The following SPG11 variants were observed in gnomAD, a reference collection of about 807,000 sequenced individuals.
SPG11 encodes spatacsin.
Under a neutral mutation model 274.0 loss-of-function variants are expected in SPG11, and 222 were observed. That is an observed-to-expected ratio of 0.81 (90% CI 0.73 to 0.91). SPG11 has a LOEUF of 0.91. SPG11 is among the 40% of genes least tolerant of loss of function. SPG11 has a pLI of 0.00. For synonymous variants in SPG11, 1,144 were observed against 1,039.7 expected (o/e 1.10, Z -1.93); for missense variants, 3,114 against 2,872.7 (o/e 1.08, Z -1.92).
intron 10 of SPG11, among the ~76,000 whole-genome samples, chr15:44,627,828 A>G (rs1341363111): frequency 6.6e-6 from 1 of 152,166 alleles, no homozygotes. Context: ...TGACCTTGTG[A>G]TCTGCCTGCC....
intron 3 of SPG11, among the ~76,000 whole-genome samples, chr15:44,658,731 T>A (rs1174704113): frequency 1.3e-5 from 2 of 152,154 alleles, no homozygotes; most frequent in East Asian, 3.8e-4. Context: ...AGTGCTGGGA[T>A]TACAGGCGTG....
Position 44,583,977 on chromosome 15 carries a change from A to G in SPG11, c.5703T>C (p.Phe1901=), listed in dbSNP as rs1400427975. Residue 1901 remains phenylalanine (F), a synonymous_variant, in exon 30 of 40, where the codon TTT becomes TTC. Coordinates refer to ENST00000261866, the MANE Select transcript of SPG11 (RefSeq NM_025137.4). The part of the protein sequence containing the change: ...VHEASRVCRY[F]HFYNPDVALV... ...AGGCGACATCTGGATTATAAAAATGAAAATACCGGCATACTCTACTTGCTT... is the reference window on the plus strand; with the variant it reads ...AGGCGACATCTGGATTATAAAAATGGAAATACCGGCATACTCTACTTGCTT... The G allele has an allele frequency of 6.8e-6, 11 of 1,614,084 alleles. No homozygotes were observed. The highest frequency in any genetic ancestry group is 8.5e-6 in the Non-Finnish European group (10 of 1,180,040).
chr15:44,663,620 C>T lies in SPG11; in HGVS notation c.28G>A (p.Ala10Thr), dbSNP rs372658867. Residue 10 changes from alanine (A) to threonine (T), a missense_variant, in exon 1 of 40, where the codon GCT becomes ACT. Coordinates refer to ENST00000261866, the MANE Select transcript of SPG11 (RefSeq NM_025137.4). The part of the protein sequence containing the change: MAAEEGVAS[A>T]ASAGGSWGTA... ...CCCCAGCTACCGCCGGCGGAAGCAGCACTCGCGACCCCTTCCTCTGCAGCC... is the reference window on the plus strand; with the variant it reads ...CCCCAGCTACCGCCGGCGGAAGCAGTACTCGCGACCCCTTCCTCTGCAGCC... 177 of 1,595,824 alleles carry T rather than the reference C, an allele frequency of 1.1e-4. 1 individual carries two copies. Among genetic ancestry groups the T allele is most frequent in the Admixed American group, 6.5e-4 (38 of 58,882 alleles).
rs1416160421 is a variant in SPG11, at chr15:44,657,265, T to A, written c.699A>T (p.Val233=). The A allele has an allele frequency of 2.5e-6, 4 of 1,614,210 alleles. No homozygotes were observed. Among genetic ancestry groups the A allele is most frequent in the Non-Finnish European group, 3.4e-6 (4 of 1,180,028 alleles). The change falls in exon 4 of 40, where the codon GTA becomes GTT. Residue 233 remains valine, a synonymous_variant. Coordinates refer to ENST00000261866, the MANE Select transcript of SPG11 (RefSeq NM_025137.4). ...YIFDVVDGTY[V]AHVDLALHKE... is the part of the protein sequence containing the mutation. ...TGTGAAGTGCTAAATCCACATGAGC[T>A]ACATATGTACCATCCACAACATCAA...
chr15:44,600,882 G>A (rs1158921572), intron 20 of SPG11, among the ~76,000 whole-genome samples: 1 of 152,140 alleles, frequency 6.6e-6, no homozygotes, highest in African/African-American at 2.4e-5. Context: ...AGCCGGGTAC[G>A]GTGGCTCACG....
rs757678400 is a variant in SPG11, at chr15:44,585,816, C to T, written c.4941G>A (p.Gln1647=). 3.1e-6 allele frequency: 5 copies of T among 1,613,786 alleles called. No individual in the cohort carries two copies. The African/African-American group carries it at 4.0e-5, about 13-fold the overall frequency. ...PDVKKLCILC[Q]ILKDTSIAIN... is the part of the protein sequence containing the mutation. ...TGGCTATGGATGTATCCTTCAAAAT[C>T]TGGCAAAGGATGCAAAGCTTTTTCA... The change falls in exon 29 of 40, where the codon CAG becomes CAA. Residue 1647 remains glutamine, a synonymous_variant. Transcript: ENST00000261866.
At chr15:44,565,618 C>T (rs889219919) in intron 38 of SPG11, among the ~76,000 whole-genome samples, 6 of 152,192 alleles carry the variant, frequency 3.9e-5, no homozygotes, top group African/African-American at 1.4e-4. Context: ...CTCTGCTGGC[C>T]TAACAGCACA....
intron 1 of SPG11, among the ~76,000 whole-genome samples, chr15:44,661,908 A>G (rs1383820370): frequency 6.6e-6 from 1 of 152,240 alleles, no homozygotes; most frequent in African/African-American, 2.4e-5. Context: ...TAACTGAATT[A>G]AAATTCAATT....
rs1020493326 is a variant in SPG11, at chr15:44,652,153, G to C, written c.983C>G (p.Ala328Gly). Residue 328 changes from alanine to glycine, a missense_variant, in exon 5 of 40, where the codon GCC becomes GGC. By Grantham distance (60) the Ala-to-Gly change is moderately conservative. Transcript: ENST00000261866. ...PVNSAYNMKLAKFSFQIDRSW... is the reference protein window; with the variant it reads ...PVNSAYNMKLGKFSFQIDRSW... ...CCTATCAATTTGGAAGGAAAACTTG[G>C]CCAGTTTCATGTTGTAGGCAGAGTT... 1 of 1,613,980 alleles carries C rather than the reference G, an allele frequency of 6.2e-7. No individual in the cohort carries two copies. Among genetic ancestry groups the C allele is most frequent in the African/African-American group, 1.3e-5 (1 of 74,920 alleles).
Position 44,589,420 on chromosome 15 carries a change from A to T in SPG11, c.4744-6T>A. 1 of 1,614,032 alleles carries T rather than the reference A, an allele frequency of 6.2e-7. No homozygotes were observed. Among genetic ancestry groups the T allele is most frequent in the Non-Finnish European group, 8.5e-7 (1 of 1,179,896 alleles). ...TTTGTGGCTGCTGTGTTAAGCTATG[A>T]AAGAAAAAGAGAAGCTTAGGGAAAG... On this transcript the variant is annotated splice_polypyrimidine_tract_variant and splice_region_variant and intron_variant, in intron 27 of 39. Coordinates refer to ENST00000261866, the MANE Select transcript of SPG11 (RefSeq NM_025137.4).
chr15:44,632,090 T>C (rs533982992), intron 8 of SPG11, among the ~76,000 whole-genome samples: 1 of 152,248 alleles, frequency 6.6e-6, no homozygotes, highest in African/African-American at 2.4e-5. Context: ...ATTACAGCCA[T>C]GAGCCACTGC....
rs1408968445 is a variant in SPG11, at chr15:44,589,428, A to C, written c.4744-14T>G. On this transcript the variant is annotated splice_polypyrimidine_tract_variant and intron_variant, in intron 27 of 39. Coordinates refer to ENST00000261866, the MANE Select transcript of SPG11 (RefSeq NM_025137.4). ...TGCTGTGTTAAGCTATGAAAGAAAA[A>C]GAGAAGCTTAGGGAAAGCAGTTTCA... is the stretch of plus-strand genomic sequence containing the variant. 1 of 1,613,990 alleles carries C rather than the reference A, an allele frequency of 6.2e-7. No homozygotes were observed. Among genetic ancestry groups the C allele is most frequent in the Non-Finnish European group, 8.5e-7 (1 of 1,179,862 alleles).
chr15:44,632,637 G>A (rs1188888779), intron 8 of SPG11, among the ~76,000 whole-genome samples: 1 of 151,798 alleles, frequency 6.6e-6, no homozygotes, highest in Non-Finnish European at 1.5e-5. Flanking sequence ...AGCCTTCCAA[G>A]TAGTTGGGAC....
chr15:44,585,931 G>T (rs2082752862), intron 28 of SPG11, 81 bp from the exon 29 acceptor site: 7 of 1,089,138 alleles, frequency 6.4e-6, no homozygotes, highest in South Asian at 1.3e-5. Flanking sequence ...ATATCAGGGG[G>T]AAAATATACG....
At chr15:44,603,989 A>G (rs1380726149) in intron 20 of SPG11, 1 of 171,744 alleles carries the variant, frequency 5.8e-6, no homozygotes, top group Admixed American at 6.3e-5. Context: ...AGTTAGAAAG[A>G]AATAGTCACT....
chr15:44,599,227 T>A (rs1415726822), intron 21 of SPG11, among the ~76,000 whole-genome samples: 3 of 152,154 alleles, frequency 2.0e-5, no homozygotes, highest in South Asian at 4.1e-4. Flanking sequence ...GAAGCACATT[T>A]AAAAAAACTC....
chr15:44,619,983 T>C lies in SPG11; in HGVS notation c.2834+207A>G, dbSNP rs1949539927. On this transcript the variant is annotated intron_variant, in intron 15 of 39. Transcript: ENST00000261866. ...TGCCCGCCTTGGCCTCCCAAAGTGC[T>C]GAGATTACAGGCATGAGCCACCGCA... The C allele has an allele frequency of 7.6e-6, 4 of 526,662 alleles. No homozygotes were observed. The South Asian group carries it at 8.2e-5, about 11-fold the overall frequency. 32.6% of individuals were successfully genotyped at this position (526,662 alleles called of 1,614,324 possible).
In SPG11 at chr15:44,592,445, CAA is replaced by C. The variant is rs757446446; in HGVS notation, c.4636-9_4636-8del. 6.5e-7 allele frequency: 1 copy of C among 1,537,930 alleles called. No individual in the cohort carries two copies. The highest frequency in any genetic ancestry group is 1.1e-5 in the South Asian group (1 of 89,538). On this transcript the variant is annotated splice_polypyrimidine_tract_variant and splice_region_variant and intron_variant, in intron 26 of 39. Transcript: ENST00000261866. ...CCAGTAGTAACGGGGAATCCTTTGA[CAA>C]AGAGTTTGAAAAAAATTACAAAATT... is the stretch of plus-strand genomic sequence containing the variant.
chr15:44,653,744 C>T (rs952083291), intron 4 of SPG11, among the ~76,000 whole-genome samples: 1 of 152,076 alleles, frequency 6.6e-6, no homozygotes, highest in Non-Finnish European at 1.5e-5. Context: ...ACAGTAGTTC[C>T]CTCTTATCCA....
Sources: gnomAD v4.1 joint callset for allele counts (sites outside exome capture counted in the v4.1 genomes callset) on GRCh38, gnomAD v4.1.1 for gene constraint, MANE v1.5 for transcripts, NCBI Gene and HGNC (gene_info 2026-07-23, HGNC 2026-07-21) for gene names.